The following CDH18 variants were observed in gnomAD, a reference collection of about 807,000 sequenced individuals.
CDH18 encodes the protein cadherin-18.
A neutral mutation model predicts 67.9 loss-of-function variants in CDH18; 31 were observed. The observed-to-expected ratio is 0.46, with a 90% CI of 0.34 to 0.62. The LOEUF is 0.62. Ranked by LOEUF, CDH18 falls within the 20% of genes least tolerant of loss-of-function variation. The pLI, the probability that CDH18 is intolerant of heterozygous loss-of-function variation, is 0.01. For synonymous variants in CDH18, 362 were observed against 347.2 expected (o/e 1.04, Z -0.48); for missense variants, 890 against 975.5 (o/e 0.91, Z 1.17).
Position 19,571,471 on chromosome 5 carries a change from G to C in CDH18, c.1253+108C>G, listed in dbSNP as rs182069071. On this transcript the variant is annotated intron_variant, in intron 8 of 12. Transcript: ENST00000382275. The stretch of plus-strand genomic sequence containing the variant: ...ATATTATAATTTAATTATATTCGTA[G>C]AAAACAACGTAGAAATAAAACATTT... 5 of 1,017,048 alleles carry C rather than the reference G, an allele frequency of 4.9e-6. No individual in the cohort carries two copies. In the Admixed American group the frequency reaches 1.3e-4, roughly 26 times the overall value. The allele number at this position is 1,017,048 out of a possible 1,614,324, so 63.0% of individuals were successfully genotyped here.
chr5:19,937,148 C>T (rs1324128052), intron 2 of CDH18, among the ~76,000 whole-genome samples: 1 of 151,312 alleles, frequency 6.6e-6, no homozygotes, highest in African/African-American at 2.4e-5. Context: ...CATGTTTACA[C>T]TGTTGAGGGA....
chr5:20,227,971 C>G (rs1741766935), intron 2 of CDH18, among the ~76,000 whole-genome samples: 1 of 152,120 alleles, frequency 6.6e-6, no homozygotes, highest in Admixed American at 6.6e-5. Context: ...CCTCACCATT[C>G]AGCTAACATT....
chr5:20,047,346 T>C (rs1436075190), intron 2 of CDH18, among the ~76,000 whole-genome samples: 1 of 151,912 alleles, frequency 6.6e-6, no homozygotes, highest in Non-Finnish European at 1.5e-5. Context: ...TAGGAAATTA[T>C]AGCTAATAGA....
chr5:20,408,160 G>T (rs778154094), intron 1 of CDH18, among the ~76,000 whole-genome samples: 2 of 151,910 alleles, frequency 1.3e-5, no homozygotes, highest in African/African-American at 4.8e-5. Flanking sequence ...CAGCAAAATT[G>T]TTCTTCAAAA....
chr5:19,994,680 G>C, intron 2 of CDH18, among the ~76,000 whole-genome samples: 1 of 106,114 alleles, frequency 9.4e-6, no homozygotes, highest in Admixed American at 1.2e-4. Context: ...AGTCTACCAA[G>C]TCAAATGCTA....
At chr5:20,309,710 T>C (rs1265644429) in intron 1 of CDH18, among the ~76,000 whole-genome samples, 1 of 152,188 alleles carries the variant, frequency 6.6e-6, no homozygotes, top group Non-Finnish European at 1.5e-5. Context: ...GAAGCAATTA[T>C]AGTCAACTCA....
chr5:19,497,834 A>T (rs1207440658), intron 11 of CDH18, among the ~76,000 whole-genome samples: 1 of 152,212 alleles, frequency 6.6e-6, no homozygotes, highest in African/African-American at 2.4e-5. Context: ...CGTAGGAGTT[A>T]CTTCCATAAA....
At chr5:20,321,846 T>A (rs1738053656) in intron 1 of CDH18, among the ~76,000 whole-genome samples, 1 of 152,188 alleles carries the variant, frequency 6.6e-6, no homozygotes, top group Admixed American at 6.5e-5. Flanking sequence ...ATAATTTACT[T>A]ATTATCAAGC....
chr5:19,908,698 T>C (rs1195050525), intron 2 of CDH18, among the ~76,000 whole-genome samples: 1 of 152,204 alleles, frequency 6.6e-6, no homozygotes, highest in Non-Finnish European at 1.5e-5. Context: ...TCATATGGCC[T>C]ATTTTCATCT....
At chr5:20,238,742 T>G (rs764700356) in intron 2 of CDH18, among the ~76,000 whole-genome samples, 2 of 151,940 alleles carry the variant, frequency 1.3e-5, no homozygotes, top group Non-Finnish European at 2.9e-5. Flanking sequence ...ATGTTTAGAG[T>G]TGCTCTATTA....
At chr5:20,122,229 C>T (rs947329259) in intron 2 of CDH18, among the ~76,000 whole-genome samples, 1 of 152,214 alleles carries the variant, frequency 6.6e-6, no homozygotes, top group Non-Finnish European at 1.5e-5. Context: ...GCAAATATCA[C>T]ACCTACACTC....
At chr5:20,573,495 G>T (rs960436836) in intron 1 of CDH18, among the ~76,000 whole-genome samples, 1 of 151,592 alleles carries the variant, frequency 6.6e-6, no homozygotes, top group African/African-American at 2.4e-5. Flanking sequence ...ACTTAAAAAT[G>T]AGTAGAAGAA....
chr5:20,395,774 T>C (rs1448571604), intron 1 of CDH18, among the ~76,000 whole-genome samples: 1 of 152,080 alleles, frequency 6.6e-6, no homozygotes, highest in East Asian at 1.9e-4. Flanking sequence ...AAATCAACCA[T>C]ATGATTAGAG....
chr5:19,797,148 C>A (rs1292204842), intron 3 of CDH18, among the ~76,000 whole-genome samples: 1 of 151,854 alleles, frequency 6.6e-6, no homozygotes, highest in East Asian at 1.9e-4. Flanking sequence ...AAAAAAATTA[C>A]TTCAAATTCA....
chr5:19,949,039 A>G (rs1390267714), intron 2 of CDH18, among the ~76,000 whole-genome samples: 1 of 152,186 alleles, frequency 6.6e-6, no homozygotes, highest in Non-Finnish European at 1.5e-5. Flanking sequence ...CCTGCTTTGT[A>G]ATCATAAGAC....
intron 1 of CDH18, among the ~76,000 whole-genome samples, chr5:20,409,577 A>G (rs1401868283): frequency 2.6e-5 from 4 of 151,734 alleles, no homozygotes; most frequent in Non-Finnish European, 3.0e-5. Context: ...AAGATCTTAA[A>G]TAAACAACCT....
At chr5:20,569,321 T>G (rs1373978318) in intron 1 of CDH18, among the ~76,000 whole-genome samples, 2 of 152,140 alleles carry the variant, frequency 1.3e-5, no homozygotes, top group Non-Finnish European at 2.9e-5. Flanking sequence ...TCTGAATCAT[T>G]CCTTCAAATA....
At chr5:19,676,507 G>A (rs1759509315) in intron 5 of CDH18, among the ~76,000 whole-genome samples, 1 of 152,024 alleles carries the variant, frequency 6.6e-6, no homozygotes, top group Admixed American at 6.6e-5. Context: ...GCCAGCACCA[G>A]GGAGAGGCCA....
intron 1 of CDH18, among the ~76,000 whole-genome samples, chr5:20,508,971 A>G (rs1347388969): frequency 2.6e-5 from 4 of 152,160 alleles, no homozygotes; most frequent in African/African-American, 9.6e-5. Flanking sequence ...TATAATTGAC[A>G]ATTAAAAATT....
Sources: allele counts gnomAD v4.1 joint callset (sites outside exome capture counted in the v4.1 genomes callset), GRCh38; gene constraint gnomAD v4.1.1; transcripts MANE v1.5; gene names NCBI Gene and HGNC (gene_info 2026-07-23, HGNC 2026-07-21).